Variants in MACROH2A1 observed in about 807,000 individuals in gnomAD.
MACROH2A1 encodes the protein macroH2A.1 histone.
A neutral mutation model predicts 31.6 loss-of-function variants in MACROH2A1; 2 were observed. That is an observed-to-expected ratio of 0.06 (90% CI 0.03 to 0.20). MACROH2A1 has a LOEUF of 0.20. Among genes scored for constraint, MACROH2A1 ranks in the 10% least tolerant of loss-of-function variants. The probability of loss-of-function intolerance (pLI) is 1.00; values close to 1 mark genes in which losing one functional copy is unlikely to be tolerated. For missense variants in MACROH2A1, 230 were observed against 474.0 expected, an observed-to-expected ratio of 0.49 and a Z score of 4.78; for synonymous variants, 169 against 189.6, an observed-to-expected ratio of 0.89 and a Z score of 0.89.
intron 2 of MACROH2A1, among the ~76,000 whole-genome samples, chr5:135,373,233 A>G (rs1414508346): frequency 6.6e-6 from 1 of 152,126 alleles, no homozygotes; most frequent in Non-Finnish European, 1.5e-5. Flanking sequence ...GATGTGGTCT[A>G]TATTTTCTGC....
At chr5:135,343,753 G>T in intron 7 of MACROH2A1, 1 of 352,088 alleles carries the variant, frequency 2.8e-6, no homozygotes, top group Non-Finnish European at 5.3e-6. Context: ...TCAACTGAAC[G>T]CAAACTCAAC....
At position 135,350,989 on chromosome 5, in the gene MACROH2A1, A is replaced by G. The variant is rs190560715; in HGVS notation, c.688+1957T>C. The G allele has an allele frequency of 5.6e-3, 5,414 of 974,908 alleles. 23 individuals are homozygous for G. The highest frequency in any genetic ancestry group is 7.3e-3 in the Non-Finnish European group (4,551 of 623,734). The allele number at this position is 974,908 out of a possible 1,614,324, so 60.4% of individuals were successfully genotyped here. Reference sequence around the variant, plus strand: ...CACAGGCACATTTACTAATGCCCCAATGGCAGGGCTGGCCTACCTGGTCGA... The same window carrying G: ...CACAGGCACATTTACTAATGCCCCAGTGGCAGGGCTGGCCTACCTGGTCGA... On this transcript the variant is annotated intron_variant, in intron 6 of 8. Coordinates refer to ENST00000511689, the MANE Select transcript of MACROH2A1 (RefSeq NM_138610.3).
chr5:135,359,606 A>C, intron 5 of MACROH2A1: 1 of 984,740 alleles, frequency 1.0e-6, no homozygotes, highest in Non-Finnish European at 1.2e-6. Context: ...ACTTGCAATG[A>C]CGTGAGCGAG....
At chr5:135,344,897 C>T (rs1760571239) in intron 7 of MACROH2A1, 1 of 152,186 alleles carries the variant, frequency 6.6e-6, no homozygotes, top group Non-Finnish European at 1.5e-5. Context: ...GGCCTTGTGC[C>T]AAGGGCTACC....
At chr5:135,346,320 C>T (rs1760830729) in intron 6 of MACROH2A1, 3 of 465,356 alleles carry the variant, frequency 6.4e-6, no homozygotes, top group Admixed American at 3.5e-5. Flanking sequence ...CATGGATGTG[C>T]CAGAGATGTG....
rs187758818 is a variant in MACROH2A1 at position 135,376,719 on chromosome 5, G to A, written c.173-6577C>T. On this transcript the variant is annotated intron_variant, in intron 2 of 8. Coordinates refer to ENST00000511689, the MANE Select transcript of MACROH2A1 (RefSeq NM_138610.3). Reference sequence around the variant, plus strand: ...CTCAGTTTCCTATTCTGTACAGGGGGAGTGATACCTGAGGTTACCTCTAGG... The same window carrying A: ...CTCAGTTTCCTATTCTGTACAGGGGAAGTGATACCTGAGGTTACCTCTAGG... Among the ~76,000 whole-genome samples the A allele has an allele frequency of 2.0e-5, 3 of 152,328 alleles. No individual in the cohort carries two copies. In the East Asian group the frequency reaches 5.8e-4, roughly 29 times the overall value.
intron 6 of MACROH2A1, chr5:135,350,675 G>A (rs1477738969): frequency 5.4e-6 from 3 of 553,472 alleles, no homozygotes; most frequent in Non-Finnish European, 9.8e-6. Flanking sequence ...TATTACTCAG[G>A]TTCACAACCC....
At chr5:135,359,381 C>T (rs149930314) in intron 5 of MACROH2A1, 1,135 of 984,890 alleles carry the variant, frequency 1.2e-3, no homozygotes, top group Admixed American at 5.0e-3. Flanking sequence ...TTTAAAGGAA[C>T]AAAAAATATT....
intron 5 of MACROH2A1, chr5:135,359,475 A>C: frequency 1.0e-6 from 1 of 983,588 alleles, no homozygotes; most frequent in Non-Finnish European, 1.2e-6. Context: ...ACAAAATACA[A>C]AGAATGGTTA....
chr5:135,335,895 C>G (rs1392929754), intron 8 of MACROH2A1, among the ~76,000 whole-genome samples: 3 of 152,140 alleles, frequency 2.0e-5, no homozygotes, highest in African/African-American at 7.2e-5. Context: ...GCCCAGGGGA[C>G]CCCGGAGGAG....
chr5:135,373,363 C>CTAA (rs1764436451), intron 2 of MACROH2A1, among the ~76,000 whole-genome samples: 2 of 152,156 alleles, frequency 1.3e-5, no homozygotes, highest in Non-Finnish European at 2.9e-5. Flanking sequence ...GAACAGAAAG[C>CTAA]AACAGAGTAG....
intron 2 of MACROH2A1, among the ~76,000 whole-genome samples, chr5:135,385,364 T>A (rs1377055095): frequency 6.6e-6 from 1 of 152,190 alleles, no homozygotes; most frequent in Non-Finnish European, 1.5e-5. Context: ...TGGTCCTGCA[T>A]CACCACAGCT....
chr5:135,381,546 C>T (rs114084928), intron 2 of MACROH2A1, among the ~76,000 whole-genome samples: 4,731 of 152,158 alleles, frequency 0.031, 267 homozygotes, highest in African/African-American at 0.11. Flanking sequence ...GCCCAGAAGA[C>T]AGAGGCTGCA....
At chr5:135,392,876 T>C (rs1767437255) in intron 1 of MACROH2A1, among the ~76,000 whole-genome samples, 1 of 152,226 alleles carries the variant, frequency 6.6e-6, no homozygotes, top group African/African-American at 2.4e-5. Flanking sequence ...ATGATGCTAG[T>C]AAGGGCCTCA....
chr5:135,367,471 C>T (rs1485951660), intron 4 of MACROH2A1, among the ~76,000 whole-genome samples: 1 of 152,220 alleles, frequency 6.6e-6, no homozygotes, highest in Non-Finnish European at 1.5e-5. Context: ...GAGCTAAAGA[C>T]ACCCCCACTC....
Position 135,335,084 on chromosome 5 carries a change from G to A in MACROH2A1, c.1011C>T (p.Tyr337=), listed in dbSNP as rs773338511. 2.6e-5 allele frequency: 42 copies of A among 1,613,608 alleles called. No homozygotes were observed. The highest frequency in any genetic ancestry group is 3.1e-5 in the Non-Finnish European group (36 of 1,179,478). ...AQLILKAISS[Y]FVSTMSSSIK... ...TGGAAGAGGACATTGTAGACACGAA[G>A]TAACTGGAGATGGCCTTCAGAATCA... Residue 337 remains tyrosine (Y), a synonymous_variant, in exon 9 of 9, where the codon TAC becomes TAT. Transcript: ENST00000511689.
chr5:135,351,053 G>A lies in MACROH2A1; in HGVS notation c.688+1893C>T. On this transcript the variant is annotated intron_variant, in intron 6 of 8. Coordinates refer to ENST00000511689, the MANE Select transcript of MACROH2A1 (RefSeq NM_138610.3). ...GCCCAAGGGGCAATCAGTCCACGCAGTGTGCGCACATGTGGATGGGGGTGA... is the reference window on the plus strand; with the variant it reads ...GCCCAAGGGGCAATCAGTCCACGCAATGTGCGCACATGTGGATGGGGGTGA... 3 of 622,168 alleles carry A rather than the reference G, an allele frequency of 4.8e-6. No individual in the cohort carries two copies. In the South Asian group the frequency reaches 5.5e-5, roughly 11 times the overall value. The allele number at this position is 622,168 out of a possible 1,614,324, so 38.5% of individuals were successfully genotyped here. A position where few individuals can be genotyped will look rare whatever the true frequency, so the allele number is the denominator to read the frequency against.
At chr5:135,351,823 A>G (rs1389444341) in intron 6 of MACROH2A1, among the ~76,000 whole-genome samples, 1 of 151,794 alleles carries the variant, frequency 6.6e-6, no homozygotes, top group African/African-American at 2.4e-5. Context: ...TCAGCCTCCC[A>G]AAACGCTGGA....
At chr5:135,360,917 C>CTA (rs1310490840) in intron 4 of MACROH2A1, 1 of 477,258 alleles carries the variant, frequency 2.1e-6, no homozygotes, top group African/African-American at 2.0e-5. Context: ...GTAAATGTCT[C>CTA]TTAATTAAGG....
Sources: allele counts gnomAD v4.1 joint callset (sites outside exome capture counted in the v4.1 genomes callset), GRCh38; gene constraint gnomAD v4.1.1; transcripts MANE v1.5; gene names NCBI Gene and HGNC (gene_info 2026-07-23, HGNC 2026-07-21).